Variants in RNF217 observed in about 807,000 individuals in gnomAD.
RNF217 encodes the protein E3 ubiquitin-protein ligase RNF217.
In RNF217, 31 loss-of-function variants were observed where a neutral mutation model predicts 57.8. That is an observed-to-expected ratio of 0.54 (90% CI 0.40 to 0.72). RNF217 has a LOEUF of 0.72. Among genes scored for constraint, RNF217 ranks in the 30% least tolerant of loss-of-function variants. RNF217 has a pLI of 0.00. For synonymous variants in RNF217, 313 were observed against 294.0 expected, an observed-to-expected ratio of 1.06 and a Z score of -0.66; for missense variants, 696 against 708.3, an observed-to-expected ratio of 0.98 and a Z score of 0.20.
chr6:125,003,991 C>G (rs529461797), intron 1 of RNF217, among the ~76,000 whole-genome samples: 3 of 152,170 alleles, frequency 2.0e-5, no homozygotes, highest in East Asian at 1.9e-4. Flanking sequence ...TCAAGTGCTG[C>G]AAAAATCTGC....
intron 1 of RNF217, among the ~76,000 whole-genome samples, chr6:125,010,823 G>T (rs1439009635): frequency 6.6e-6 from 1 of 152,140 alleles, no homozygotes; most frequent in Non-Finnish European, 1.5e-5. Flanking sequence ...GTAGCAGAGA[G>T]AGCTGAGGAA....
At chr6:125,010,144 G>C (rs540394124) in intron 1 of RNF217, among the ~76,000 whole-genome samples, 106 of 152,084 alleles carry the variant, frequency 7.0e-4, no homozygotes, top group African/African-American at 2.4e-3. Context: ...TAACTGAAAT[G>C]AACGTTTTCT....
chr6:124,984,648 T>C (rs1478828892), intron 1 of RNF217, among the ~76,000 whole-genome samples: 1 of 152,160 alleles, frequency 6.6e-6, no homozygotes, highest in Admixed American at 6.5e-5. Flanking sequence ...ATTAGGTTTT[T>C]TTTAATCTCA....
rs141876081 is a variant in RNF217, at chr6:125,082,772, G to A, written c.1556-92G>A. On this transcript the variant is annotated intron_variant, in intron 5 of 5. Coordinates refer to ENST00000521654, the MANE Select transcript of RNF217 (RefSeq NM_001286398.3). ...TAGATGTCTTCTTCTTTGTATGTTCGTACACTGCAAATAAATAAACATAGA... is the reference window on the plus strand; with the variant it reads ...TAGATGTCTTCTTCTTTGTATGTTCATACACTGCAAATAAATAAACATAGA... The A allele has an allele frequency of 2.7e-5, 31 of 1,133,906 alleles. No homozygotes were observed. In the African/African-American group the frequency reaches 3.9e-4, roughly 14 times the overall value. 70.2% of individuals were successfully genotyped at this position (1,133,906 alleles called of 1,614,324 possible).
At chr6:125,004,141 A>T (rs146412629) in intron 1 of RNF217, among the ~76,000 whole-genome samples, 12 of 152,324 alleles carry the variant, frequency 7.9e-5, no homozygotes, top group African/African-American at 2.4e-4. Context: ...CTAAAAGGAA[A>T]TATTAGACAA....
chr6:125,080,574 C>T (rs1231106696), intron 4 of RNF217, among the ~76,000 whole-genome samples: 3 of 152,058 alleles, frequency 2.0e-5, no homozygotes, highest in Admixed American at 1.3e-4. Flanking sequence ...TTGAGTTGTG[C>T]GGCCCTGAAG....
chr6:125,025,701 C>G (rs1238080473), intron 1 of RNF217, among the ~76,000 whole-genome samples: 1 of 130,308 alleles, frequency 7.7e-6, no homozygotes, highest in Non-Finnish European at 1.6e-5. Flanking sequence ...CAAATGTACT[C>G]CCTTATGAGT....
chr6:124,988,868 G>A (rs5012579), intron 1 of RNF217, among the ~76,000 whole-genome samples: 33,997 of 151,894 alleles, frequency 0.22, 4,485 homozygotes, highest in East Asian at 0.4. Context: ...CAGTTAAGCC[G>A]TATCTGTATG....
intron 1 of RNF217, among the ~76,000 whole-genome samples, chr6:124,982,026 CAA>C (rs373182508): frequency 7.2e-4 from 42 of 58,396 alleles, no homozygotes; most frequent in Middle Eastern, 9.1e-3. Flanking sequence ...GACTCTGTCT[CAA>C]AAAAAAAAAA....
At chr6:125,053,105 C>T (rs1787389875) in intron 2 of RNF217, among the ~76,000 whole-genome samples, 1 of 152,070 alleles carries the variant, frequency 6.6e-6, no homozygotes, top group South Asian at 2.1e-4. Flanking sequence ...CATCACTTGT[C>T]CCTGTAACAT....
chr6:125,051,360 A>G (rs920833642), intron 2 of RNF217, among the ~76,000 whole-genome samples: 1 of 151,864 alleles, frequency 6.6e-6, no homozygotes, highest in Non-Finnish European at 1.5e-5. Context: ...GTGTTAAAGT[A>G]GGCCAAGTGT....
intron 1 of RNF217, among the ~76,000 whole-genome samples, chr6:125,038,503 A>G (rs1023990180): frequency 6.6e-6 from 1 of 152,194 alleles, no homozygotes; most frequent in Non-Finnish European, 1.5e-5. Context: ...AGGGTATAGA[A>G]GAAATAAGAT....
chr6:125,017,863 G>A (rs1420402476), intron 1 of RNF217, among the ~76,000 whole-genome samples: 2 of 152,096 alleles, frequency 1.3e-5, no homozygotes, highest in African/African-American at 4.8e-5. Flanking sequence ...GTGGTGAAAG[G>A]TCAAAATGAA....
chr6:125,071,536 G>GTGTATA (rs1562495518), intron 3 of RNF217, among the ~76,000 whole-genome samples: 1 of 143,148 alleles, frequency 7.0e-6, no homozygotes, highest in Non-Finnish European at 1.5e-5. Context: ...GTGTGTGTGT[G>GTGTATA]TATATCTTAT....
rs149580068 is a variant in RNF217 at position 125,037,626 on chromosome 6, G to T, written c.883-7585G>T. ...GAGCAGGCACCTTCCCATAATCACT[G>T]ATGAGTAAAGTGAGGCGGACATCAG... On this transcript the variant is annotated intron_variant, in intron 1 of 5. Transcript: ENST00000521654. Among the ~76,000 whole-genome samples, 78 of 152,202 alleles carry T rather than the reference G, an allele frequency of 5.1e-4. No individual in the cohort carries two copies. The East Asian group carries it at 0.011, about 22-fold the overall frequency.
chr6:125,036,684 A>G (rs548851285), intron 1 of RNF217, among the ~76,000 whole-genome samples: 2 of 151,628 alleles, frequency 1.3e-5, no homozygotes, highest in Non-Finnish European at 3.0e-5. Flanking sequence ...AAGAAAAAAA[A>G]CATCAAAAAG....
intron 1 of RNF217, among the ~76,000 whole-genome samples, chr6:124,992,701 A>G (rs935350478): frequency 6.6e-6 from 1 of 152,152 alleles, no homozygotes; most frequent in African/African-American, 2.4e-5. Flanking sequence ...TTCTGTTCCA[A>G]ATTTTGTAAA....
chr6:124,973,717 T>TA (rs776346328), intron 1 of RNF217, among the ~76,000 whole-genome samples: 215 of 152,356 alleles, frequency 1.4e-3, no homozygotes, highest in African/African-American at 4.9e-3. Flanking sequence ...CCTGAGTCTT[T>TA]ATGCTAGCAT....
At chr6:124,988,378 A>C (rs938653420) in intron 1 of RNF217, among the ~76,000 whole-genome samples, 1 of 152,202 alleles carries the variant, frequency 6.6e-6, no homozygotes, top group African/African-American at 2.4e-5. Flanking sequence ...CTGCTAACTC[A>C]TCAAATTACT....
Sources: gnomAD v4.1 joint callset for allele counts (sites outside exome capture counted in the v4.1 genomes callset) on GRCh38, gnomAD v4.1.1 for gene constraint, MANE v1.5 for transcripts, NCBI Gene and HGNC (gene_info 2026-07-23, HGNC 2026-07-21) for gene names.